The following RBM24 variants were observed in gnomAD, a reference collection of about 807,000 sequenced individuals.
RBM24 encodes the protein RNA binding motif protein 24.
RBM24 carries 5 observed loss-of-function variants against 23.6 expected under a neutral mutation model. The observed-to-expected ratio is 0.21, with a 90% CI of 0.11 to 0.45. The LOEUF (loss-of-function observed/expected upper bound fraction) is 0.45. RBM24 is among the 20% of genes least tolerant of loss of function. The pLI is 0.99. For synonymous variants in RBM24, 151 were observed against 129.5 expected (o/e 1.17, Z -1.13); for missense variants, 252 against 314.6 (o/e 0.80, Z 1.51).
chr6:17,282,494 AAG>A (rs1210707869), intron 1 of RBM24: 2 of 477,734 alleles, frequency 4.2e-6, no homozygotes, highest in Non-Finnish European at 7.7e-6. Flanking sequence ...CTAGAGTTCC[AAG>A]AATTTAGGCT....
Position 17,286,187 on chromosome 6 carries a change from A to ATTTT in RBM24, c.347+1492_347+1495dup, listed in dbSNP as rs11437494. On this transcript the variant is annotated intron_variant, in intron 3 of 3. Transcript: ENST00000379052. ...CTCACTGTTATTGCCAACTACTACT[A>ATTTT]TTTTTTTTTTTTTTTTTTTAGCTGT... Among the ~76,000 whole-genome samples, 184 of 132,672 alleles carry ATTTT rather than the reference A, an allele frequency of 1.4e-3. 2 individuals carry two copies. The highest frequency in any genetic ancestry group is 5.4e-3 in the East Asian group (25 of 4,592). The allele number at this position is 132,672 out of a possible 152,430, so 87.0% of individuals were successfully genotyped here.
intron 3 of RBM24, 94 bp downstream of exon 3, chr6:17,284,805 A>C (rs1159104034): frequency 1.4e-5 from 12 of 854,906 alleles, no homozygotes; most frequent in African/African-American, 5.1e-5. Flanking sequence ...ATGATGTCAC[A>C]GAATGGTCCT....
chr6:17,284,522 C>T (rs1760135779), intron 2 of RBM24, 135 bp from the exon 3 acceptor site: 3 of 558,138 alleles, frequency 5.4e-6, no homozygotes, highest in Admixed American at 3.2e-5. Flanking sequence ...AAAAAATATA[C>T]ATACATATAG....
chr6:17,289,838 C>T (rs1760301081), intron 3 of RBM24: 2 of 1,107,314 alleles, frequency 1.8e-6, no homozygotes, highest in African/African-American at 1.6e-5. Flanking sequence ...TAAGAGTAGG[C>T]TCTCTTAGCC....
chr6:17,281,885 G>A lies in RBM24; in HGVS notation c.168+136G>A. 1 of 1,365,290 alleles carries A rather than the reference G, an allele frequency of 7.3e-7. No individual in the cohort carries two copies. The highest frequency in any genetic ancestry group is 1.0e-6 in the Non-Finnish European group (1 of 1,004,004). The allele number at this position is 1,365,290 out of a possible 1,614,324, so 84.6% of individuals were successfully genotyped here. ...AGAGCGGCGCTGCCCCTTCGCTCCGGGGTGAACTGAAACTTTGCTAGGGGA... is the reference window on the plus strand; with the variant it reads ...AGAGCGGCGCTGCCCCTTCGCTCCGAGGTGAACTGAAACTTTGCTAGGGGA... On this transcript the variant is annotated intron_variant, in intron 1 of 3. Transcript: ENST00000379052. The surrounding 1 kb of genome is among the most constrained non-coding windows in gnomAD (Gnocchi z 7.1).
intron 2 of RBM24, among the ~76,000 whole-genome samples, chr6:17,284,417 G>A (rs1004321410): frequency 3.9e-5 from 6 of 152,086 alleles, no homozygotes; most frequent in African/African-American, 1.4e-4. Context: ...TTCTGTGTCT[G>A]TCAACTAAAA....
intron 1 of RBM24, 155 bp from the exon 2 acceptor site, chr6:17,282,650 G>T: frequency 1.9e-6 from 1 of 523,272 alleles, no homozygotes; most frequent in Non-Finnish European, 2.9e-6. Flanking sequence ...AAAAATGGGA[G>T]ATCAAGGAGG....
chr6:17,290,967 C>A, intron 3 of RBM24: 1 of 951,306 alleles, frequency 1.1e-6, no homozygotes, highest in Non-Finnish European at 1.5e-6. Flanking sequence ...AAGTGTGCTG[C>A]ACATCTCTTT....
At chr6:17,286,187 A>ATTTTTTTTTTT (rs11437494) in intron 3 of RBM24, among the ~76,000 whole-genome samples, 1 of 132,710 alleles carries the variant, frequency 7.5e-6, no homozygotes, top group Non-Finnish European at 1.6e-5. Context: ...AACTACTACT[A>ATTTTTTTTTTT]TTTTTTTTTT....
At chr6:17,290,142 A>G in intron 3 of RBM24, 1 of 1,221,348 alleles carries the variant, frequency 8.2e-7, no homozygotes, top group South Asian at 1.3e-5. Flanking sequence ...TTTTCCATGG[A>G]TGTTCGTTAA....
intron 2 of RBM24, among the ~76,000 whole-genome samples, chr6:17,283,280 G>A (rs527843779): frequency 6.6e-6 from 1 of 152,132 alleles, no homozygotes; most frequent in East Asian, 1.9e-4. Flanking sequence ...CAAATTTGTC[G>A]ACTTCAGCTA....
At chr6:17,283,110 C>A in intron 2 of RBM24, 182 bp downstream of exon 2, 1 of 554,054 alleles carries the variant, frequency 1.8e-6, no homozygotes, top group Non-Finnish European at 3.2e-6. Context: ...CCTCTCAAGG[C>A]TTGAAATGTA....
chr6:17,284,934 T>C (rs957689503), intron 3 of RBM24: 4 of 402,934 alleles, frequency 9.9e-6, no homozygotes, highest in Non-Finnish European at 1.8e-5. Flanking sequence ...TTTGAGCTTA[T>C]GATTAGCAAA....
rs1455112966 is a variant in RBM24, at chr6:17,292,873, T to C, written c.*754T>C. 6.6e-6 allele frequency: 1 copy of C among 152,610 alleles called. No homozygotes were observed. The highest frequency in any genetic ancestry group is 1.5e-5 in the Non-Finnish European group (1 of 68,048). The allele number at this position is 152,610 out of a possible 1,614,324, so 9.5% of individuals were successfully genotyped here. A position where few individuals can be genotyped will look rare whatever the true frequency, so the allele number is the denominator to read the frequency against. On this transcript the variant is annotated 3_prime_UTR_variant, in exon 4 of 4. Transcript: ENST00000379052. ...GTTTGATGAGCTTGTCACATTCTAA[T>C]CCCTCTCCCCATCCTGTTTCAATTT...
chr6:17,284,889 T>C (rs563722718), intron 3 of RBM24, among the ~76,000 whole-genome samples, 178 bp downstream of exon 3: 1 of 152,348 alleles, frequency 6.6e-6, no homozygotes, highest in Non-Finnish European at 1.5e-5. Context: ...AGTCAAGTTA[T>C]CTGACCAAGT....
At chr6:17,286,206 T>TTA (rs398000666) in intron 3 of RBM24, among the ~76,000 whole-genome samples, 25 of 151,172 alleles carry the variant, frequency 1.7e-4, no homozygotes, top group African/African-American at 6.1e-4. Context: ...TTTTTTTTTT[T>TTA]AGCTGTGGAA....
At chr6:17,286,923 A>T (rs1402131920) in intron 3 of RBM24, among the ~76,000 whole-genome samples, 1 of 152,216 alleles carries the variant, frequency 6.6e-6, no homozygotes, top group African/African-American at 2.4e-5. Context: ...ACACAAGGAA[A>T]ATTACAACCA....
chr6:17,292,079 AG>A lies in RBM24; in HGVS notation c.672del (p.Gln224HisfsTer18). The A allele has an allele frequency of 6.3e-7, 1 of 1,576,506 alleles. No homozygotes were observed. Among genetic ancestry groups the A allele is most frequent in the Non-Finnish European group, 8.6e-7 (1 of 1,164,848 alleles). ...AAAAAAAAFG[Q>X]YQPQQLQTDR... ...GCTGCTGCCGCTGCAGCATTTGGCC[AG>A]TACCAGCCTCAGCAGCTGCAGACAG... is the stretch of plus-strand genomic sequence containing the variant. On this transcript the variant is annotated frameshift_variant, in exon 4 of 4. Transcript: ENST00000379052. LOFTEE classifies it high-confidence loss of function.
intron 3 of RBM24, among the ~76,000 whole-genome samples, chr6:17,285,769 C>T (rs1315140851): frequency 1.3e-5 from 2 of 152,140 alleles, no homozygotes; most frequent in South Asian, 2.1e-4. Context: ...ACCAGTTTTC[C>T]TGTTCCAAGG....
Sources: allele counts gnomAD v4.1 joint callset (sites outside exome capture counted in the v4.1 genomes callset), GRCh38; gene constraint gnomAD v4.1.1; non-coding constraint Gnocchi (gnomAD v3.1); transcripts MANE v1.5; gene names NCBI Gene and HGNC (gene_info 2026-07-23, HGNC 2026-07-21).